Variants in NEK1 observed in about 807,000 individuals in gnomAD.
NEK1 encodes the protein serine/threonine-protein kinase Nek1.
A neutral mutation model predicts 182.1 loss-of-function variants in NEK1; 137 were observed. The ratio of observed to expected loss-of-function variants is 0.75; its 90% CI spans 0.65 to 0.87. The LOEUF (loss-of-function observed/expected upper bound fraction) is 0.87. NEK1 is among the 40% of genes least tolerant of loss of function. The pLI, the probability that NEK1 is intolerant of heterozygous loss-of-function variation, is 0.00. For synonymous variants in NEK1, 513 were observed against 492.2 expected (o/e 1.04, Z -0.56); for missense variants, 1,391 against 1,494.4 (o/e 0.93, Z 1.14).
At chr4:169,465,208 A>C (rs1744697842) in intron 26 of NEK1, among the ~76,000 whole-genome samples, 1 of 152,142 alleles carries the variant, frequency 6.6e-6, no homozygotes, top group Non-Finnish European at 1.5e-5. Context: ...ATAGACCCAT[A>C]ACTTACAGTC....
intron 12 of NEK1, among the ~76,000 whole-genome samples, chr4:169,572,239 A>AAT (rs1311941598): frequency 6.6e-6 from 1 of 152,192 alleles, no homozygotes; most frequent in Non-Finnish European, 1.5e-5. Flanking sequence ...GGCTAGGACT[A>AAT]ATATGGTGGT....
At chr4:169,466,246 T>C (rs185594052) in intron 26 of NEK1, among the ~76,000 whole-genome samples, 32 of 150,764 alleles carry the variant, frequency 2.1e-4, no homozygotes, top group African/African-American at 7.1e-4. Flanking sequence ...GAAAAAAAAA[T>C]AGAATAAATA....
intron 19 of NEK1, among the ~76,000 whole-genome samples, chr4:169,514,315 G>A (rs1425473768): frequency 6.6e-6 from 1 of 152,122 alleles, no homozygotes; most frequent in African/African-American, 2.4e-5. Flanking sequence ...TTTCATCAAA[G>A]ATACTGGTCT....
chr4:169,549,514 C>T (rs1337636740), intron 18 of NEK1, among the ~76,000 whole-genome samples: 1 of 152,128 alleles, frequency 6.6e-6, no homozygotes, highest in African/African-American at 2.4e-5. Context: ...CCTCTGCCTC[C>T]TGGGTTCAAG....
At chr4:169,464,685 G>T (rs1341932476) in intron 26 of NEK1, among the ~76,000 whole-genome samples, 1 of 151,716 alleles carries the variant, frequency 6.6e-6, no homozygotes, top group Non-Finnish European at 1.5e-5. Context: ...ATACAATTGG[G>T]GGGAATATAA....
chr4:169,438,312 A>T (rs1417503071), intron 27 of NEK1, 53 bp from the exon 28 acceptor site: 35 of 1,395,636 alleles, frequency 2.5e-5, no homozygotes, highest in Non-Finnish European at 3.3e-5. Flanking sequence ...GATGCATTTT[A>T]TCTGTAATGG....
At chr4:169,433,521 A>C (rs1320602208) in intron 29 of NEK1, 24 bp downstream of exon 29, 5 of 1,585,722 alleles carry the variant, frequency 3.2e-6, no homozygotes, top group Admixed American at 1.8e-5. Flanking sequence ...TGGGTTTTAA[A>C]ATGTCAGGAA....
intron 23 of NEK1, among the ~76,000 whole-genome samples, chr4:169,502,255 A>C (rs1448079699): frequency 6.6e-6 from 1 of 151,482 alleles, no homozygotes; most frequent in Non-Finnish European, 1.5e-5. Flanking sequence ...AAAAAAAAAA[A>C]CTACCAATCA....
chr4:169,559,996 C>T (rs939196641), intron 16 of NEK1, among the ~76,000 whole-genome samples: 8 of 152,010 alleles, frequency 5.3e-5, no homozygotes, highest in Non-Finnish European at 1.0e-4. Context: ...GTAACAAGAG[C>T]GAAACTCCAT....
chr4:169,474,234 G>A (rs59967290), intron 26 of NEK1, among the ~76,000 whole-genome samples: 14,787 of 152,154 alleles, frequency 0.097, 797 homozygotes, highest in East Asian at 0.17. Context: ...AGCAGGCAAC[G>A]CATAAACCAA....
chr4:169,553,611 C>T (rs1449586132), intron 18 of NEK1, among the ~76,000 whole-genome samples: 2 of 152,046 alleles, frequency 1.3e-5, no homozygotes, highest in Non-Finnish European at 2.9e-5. Context: ...AAAGACATAC[C>T]TGATAAAGGA....
intron 19 of NEK1, among the ~76,000 whole-genome samples, chr4:169,531,434 T>A (rs550480505): frequency 1.1e-4 from 17 of 150,350 alleles, no homozygotes; most frequent in African/African-American, 4.1e-4. Context: ...GTTAATGATG[T>A]GAGAAATTTG....
chr4:169,511,530 A>C (rs1250265521), intron 19 of NEK1, among the ~76,000 whole-genome samples: 3 of 152,154 alleles, frequency 2.0e-5, no homozygotes, highest in Non-Finnish European at 4.4e-5. Flanking sequence ...GATATACAGA[A>C]AGGTGAAAAG....
intron 12 of NEK1, among the ~76,000 whole-genome samples, chr4:169,562,959 T>C (rs1290925483): frequency 6.6e-6 from 1 of 152,238 alleles, no homozygotes; most frequent in East Asian, 1.9e-4. Context: ...TTCATGTTAT[T>C]ATTTATATCT....
chr4:169,591,130 C>CT (rs1365637784), intron 5 of NEK1, among the ~76,000 whole-genome samples: 5 of 149,962 alleles, frequency 3.3e-5, no homozygotes, highest in South Asian at 2.1e-4. Context: ...TTTAATACAT[C>CT]TTTTTTCTAT....
At chr4:169,436,171 C>T (rs180736990) in intron 28 of NEK1, among the ~76,000 whole-genome samples, 5 of 152,242 alleles carry the variant, frequency 3.3e-5, no homozygotes, top group Admixed American at 2.0e-4. Flanking sequence ...CCCAAAGTGC[C>T]GGGATTACAG....
intron 27 of NEK1, among the ~76,000 whole-genome samples, chr4:169,443,580 A>G (rs538243808): frequency 6.6e-6 from 1 of 152,054 alleles, no homozygotes; most frequent in Non-Finnish European, 1.5e-5. Flanking sequence ...TTCAGAAAAA[A>G]AAAGAGATGG....
chr4:169,403,070 T>A (rs1291728882), intron 32 of NEK1, among the ~76,000 whole-genome samples: 2 of 152,226 alleles, frequency 1.3e-5, no homozygotes, highest in Non-Finnish European at 2.9e-5. Flanking sequence ...AACACTATTG[T>A]GTAAGACTGT....
chr4:169,454,691 G>A (rs1465055062), intron 27 of NEK1, among the ~76,000 whole-genome samples: 2 of 152,226 alleles, frequency 1.3e-5, no homozygotes, highest in South Asian at 2.1e-4. Context: ...AGGTGCTGGA[G>A]AGGATGTGGA....
Sources: allele counts gnomAD v4.1 joint callset (sites outside exome capture counted in the v4.1 genomes callset), GRCh38; gene constraint gnomAD v4.1.1; transcripts MANE v1.5; gene names NCBI Gene and HGNC (gene_info 2026-07-23, HGNC 2026-07-21).